MYT1L: variants seen among roughly 807,000 people sequenced by gnomAD.
The protein encoded by MYT1L is myelin transcription factor 1 like.
A neutral mutation model predicts 126.7 loss-of-function variants in MYT1L; 12 were observed. The observed-to-expected ratio is 0.09, with a 90% CI of 0.06 to 0.15. The LOEUF is 0.15. Among genes scored for constraint, MYT1L ranks in the 10% least tolerant of loss-of-function variants. The pLI, the probability that MYT1L is intolerant of heterozygous loss-of-function variation, is 1.00. For synonymous variants in MYT1L, 541 were observed against 604.2 expected (o/e 0.90, Z 1.53); for missense variants, 979 against 1,585.2 (o/e 0.62, Z 6.49).
At chr2:1,808,781 A>G (rs929635078) in intron 22 of MYT1L, among the ~76,000 whole-genome samples, 2 of 152,238 alleles carry the variant, frequency 1.3e-5, no homozygotes, top group African/African-American at 4.8e-5. Flanking sequence ...GGACACAGGC[A>G]GAAATGTGGG....
Position 2,323,319 on chromosome 2 carries a change from T to C in MYT1L, c.-521+7648A>G, listed in dbSNP as rs530855499. 8.5e-5 allele frequency among the ~76,000 whole-genome samples: 13 copies of C among 152,226 alleles called. No individual in the cohort carries two copies. In the East Asian group the frequency reaches 2.3e-3, roughly 27 times the overall value. ...AAACAGCTAAAGTAAAGCAACTCTT[T>C]AGAAAAAAAGCTTAAAATGAAAGCA... On this transcript the variant is annotated intron_variant, in intron 1 of 24. Transcript: ENST00000647738.
At chr2:1,923,745 C>T (rs573189360) in intron 9 of MYT1L, among the ~76,000 whole-genome samples, 12 of 152,220 alleles carry the variant, frequency 7.9e-5, no homozygotes, top group African/African-American at 2.2e-4. Flanking sequence ...TTCACAGTGG[C>T]GTGTAGGCAA....
At chr2:2,298,279 T>C (rs1039041407) in intron 1 of MYT1L, among the ~76,000 whole-genome samples, 4 of 152,204 alleles carry the variant, frequency 2.6e-5, no homozygotes, top group Non-Finnish European at 4.4e-5. Flanking sequence ...CAGGATCATA[T>C]CCCTTCTGAA....
At chr2:1,990,602 G>A (rs1187677067) in intron 5 of MYT1L, among the ~76,000 whole-genome samples, 1 of 152,190 alleles carries the variant, frequency 6.6e-6, no homozygotes, top group Non-Finnish European at 1.5e-5. Flanking sequence ...GTTCAGGCAA[G>A]TTATCTAAGC....
chr2:2,165,882 T>C (rs2089004987), intron 3 of MYT1L, among the ~76,000 whole-genome samples: 1 of 151,244 alleles, frequency 6.6e-6, no homozygotes, highest in South Asian at 2.1e-4. Flanking sequence ...AATAATAAAA[T>C]CTTTTATTTT....
chr2:2,056,674 T>G (rs1227068782), intron 3 of MYT1L, among the ~76,000 whole-genome samples: 1 of 152,226 alleles, frequency 6.6e-6, no homozygotes, highest in Non-Finnish European at 1.5e-5. Flanking sequence ...CACAGTTCCC[T>G]GTCACAGATG....
At chr2:1,921,540 T>C (rs922108951) in intron 10 of MYT1L, among the ~76,000 whole-genome samples, 4 of 152,212 alleles carry the variant, frequency 2.6e-5, no homozygotes, top group Non-Finnish European at 5.9e-5. Flanking sequence ...AACTATCATA[T>C]TGGATAGTTT....
At chr2:2,156,632 G>C (rs569988669) in intron 3 of MYT1L, among the ~76,000 whole-genome samples, 17 of 152,338 alleles carry the variant, frequency 1.1e-4, no homozygotes, top group African/African-American at 4.1e-4. Context: ...GGAGACGAAG[G>C]CTGGCTTTCT....
chr2:1,991,388 C>T (rs989746741), intron 5 of MYT1L, among the ~76,000 whole-genome samples: 1 of 152,100 alleles, frequency 6.6e-6, no homozygotes, highest in African/African-American at 2.4e-5. Context: ...CCTTGGACCT[C>T]CTAGACCCAA....
chr2:1,932,129 T>A (rs894242360), intron 9 of MYT1L, among the ~76,000 whole-genome samples: 89 of 152,098 alleles, frequency 5.9e-4, no homozygotes, highest in African/African-American at 2.0e-3. Context: ...CTGGCTCAGG[T>A]TTTGGAAGAT....
chr2:2,272,566 C>A (rs569804342), intron 2 of MYT1L, among the ~76,000 whole-genome samples: 3 of 152,168 alleles, frequency 2.0e-5, no homozygotes, highest in African/African-American at 7.2e-5. Flanking sequence ...TAGTGAGTTC[C>A]GACAGGAACA....
At chr2:2,062,138 C>A (rs562148215) in intron 3 of MYT1L, among the ~76,000 whole-genome samples, 1 of 152,350 alleles carries the variant, frequency 6.6e-6, no homozygotes, top group South Asian at 2.1e-4. Context: ...CATGGTTGTA[C>A]TGGGCAATAC....
At chr2:1,973,704 C>A (rs983868225) in intron 8 of MYT1L, among the ~76,000 whole-genome samples, 1 of 152,184 alleles carries the variant, frequency 6.6e-6, no homozygotes, top group Non-Finnish European at 1.5e-5. Context: ...TGTATCCCTG[C>A]CCTTCAGGAG....
At chr2:2,281,083 G>A (rs987536694) in intron 2 of MYT1L, among the ~76,000 whole-genome samples, 3 of 152,170 alleles carry the variant, frequency 2.0e-5, no homozygotes, top group Non-Finnish European at 4.4e-5. Flanking sequence ...GGATGGACCT[G>A]GTGGGAGGTA....
At chr2:2,175,832 T>G (rs892485965) in intron 2 of MYT1L, among the ~76,000 whole-genome samples, 1 of 152,196 alleles carries the variant, frequency 6.6e-6, no homozygotes, top group Non-Finnish European at 1.5e-5. Context: ...CTGTCCCCAT[T>G]GTGATTGGCA....
At chr2:2,150,793 G>T (rs968571613) in intron 3 of MYT1L, among the ~76,000 whole-genome samples, 5 of 150,776 alleles carry the variant, frequency 3.3e-5, no homozygotes, top group South Asian at 2.1e-4. Context: ...AGTAGGGGAG[G>T]AAAGAAGGAA....
intron 3 of MYT1L, among the ~76,000 whole-genome samples, chr2:2,082,698 A>C (rs1374507204): frequency 6.6e-6 from 1 of 152,238 alleles, no homozygotes; most frequent in Non-Finnish European, 1.5e-5. Context: ...TTCACATAGC[A>C]TAGCTTCTTA....
At chr2:1,836,672 A>C (rs1266211091) in intron 21 of MYT1L, among the ~76,000 whole-genome samples, 1 of 145,534 alleles carries the variant, frequency 6.9e-6, no homozygotes, top group Non-Finnish European at 1.5e-5. Context: ...CCTGTACCCC[A>C]AGATTCCATC....
chr2:1,853,777 T>C (rs2148552102), intron 18 of MYT1L, among the ~76,000 whole-genome samples: 1 of 152,364 alleles, frequency 6.6e-6, no homozygotes, highest in East Asian at 1.9e-4. Context: ...TTTTGAGATG[T>C]TCTTTTTTGT....
Sources: allele counts gnomAD v4.1 joint callset (sites outside exome capture counted in the v4.1 genomes callset), GRCh38; gene constraint gnomAD v4.1.1; transcripts MANE v1.5; gene names NCBI Gene and HGNC (gene_info 2026-07-23, HGNC 2026-07-21).